Variants in RAP1GAP2 observed in about 807,000 individuals in gnomAD.
RAP1GAP2 encodes rap1 GTPase-activating protein 2.
A neutral mutation model predicts 95.0 loss-of-function variants in RAP1GAP2; 27 were observed. The ratio of observed to expected loss-of-function variants is 0.28; its 90% CI spans 0.21 to 0.39. The LOEUF (loss-of-function observed/expected upper bound fraction) is 0.39. Ranked by LOEUF, RAP1GAP2 falls within the 10% of genes least tolerant of loss-of-function variation. The probability of loss-of-function intolerance (pLI) is 1.00; values close to 1 mark genes in which losing one functional copy is unlikely to be tolerated. For missense variants in RAP1GAP2, 771 were observed against 970.0 expected (o/e 0.79, Z 2.72); for synonymous variants, 373 against 380.9 (o/e 0.98, Z 0.24).
chr17:2,962,979 G>A (rs766238262), intron 5 of RAP1GAP2: 30 of 544,766 alleles, frequency 5.5e-5, no homozygotes, highest in Non-Finnish European at 8.0e-5. Flanking sequence ...CGTTTGGCCC[G>A]GCTCTTCCCT....
intron 2 of RAP1GAP2, among the ~76,000 whole-genome samples, chr17:2,840,449 C>T (rs1417403273): frequency 1.3e-5 from 2 of 152,172 alleles, no homozygotes; most frequent in Non-Finnish European, 2.9e-5. Flanking sequence ...AGGCGTGAGC[C>T]ACAGTGCCCG....
chr17:2,881,576 C>T (rs2073292194), intron 2 of RAP1GAP2, among the ~76,000 whole-genome samples: 1 of 152,136 alleles, frequency 6.6e-6, no homozygotes, highest in Admixed American at 6.5e-5. Flanking sequence ...TTTCTTTCAC[C>T]TGTGATCATT....
rs1365509404 is a variant in RAP1GAP2 at position 2,857,808 on chromosome 17, G to A, written c.81-47476G>A. Among the ~76,000 whole-genome samples, 1 of 152,182 alleles carries A rather than the reference G, an allele frequency of 6.6e-6. No individual in the cohort carries two copies. The highest frequency in any genetic ancestry group is 2.4e-5 in the African/African-American group (1 of 41,464). On this transcript the variant is annotated intron_variant, in intron 2 of 24. Transcript: ENST00000254695. This position sits in a 1 kb window ranked among gnomAD's most constrained non-coding sequence, Gnocchi z 4.0. ...AGGCCGAGGAACACGATCAAAATAT[G>A]TACGTTCTTGGCCGGGCGCGGCAGC...
At chr17:2,783,330 C>T (rs937763879) in intron 1 of RAP1GAP2, among the ~76,000 whole-genome samples, 3 of 152,214 alleles carry the variant, frequency 2.0e-5, no homozygotes, top group African/African-American at 7.2e-5. Flanking sequence ...AGGTAGCCCT[C>T]ATTTATCCTC....
chr17:2,929,130 G>A (rs867383601), intron 3 of RAP1GAP2, among the ~76,000 whole-genome samples: 2 of 152,218 alleles, frequency 1.3e-5, no homozygotes, highest in Admixed American at 6.5e-5. Context: ...CTACTTGGGA[G>A]GCTGAGGCGG....
At chr17:2,826,730 G>A (rs1477303117) in intron 2 of RAP1GAP2, among the ~76,000 whole-genome samples, 1 of 152,072 alleles carries the variant, frequency 6.6e-6, no homozygotes, top group South Asian at 2.1e-4. Context: ...ATTTCCGGCC[G>A]GGCGCGGTGG....
chr17:2,940,899 G>C (rs1268849489), intron 3 of RAP1GAP2, among the ~76,000 whole-genome samples: 1 of 152,148 alleles, frequency 6.6e-6, no homozygotes. Flanking sequence ...ACGAGTGTGA[G>C]GAGTGACAGG....
intron 8 of RAP1GAP2, among the ~76,000 whole-genome samples, chr17:2,969,283 G>A (rs2044752260): frequency 6.6e-6 from 1 of 151,312 alleles, no homozygotes; most frequent in Non-Finnish European, 1.5e-5. Flanking sequence ...CAAATTGATT[G>A]CATAGTAGAT....
intron 2 of RAP1GAP2, among the ~76,000 whole-genome samples, chr17:2,803,794 G>A (rs756142697): frequency 3.3e-5 from 5 of 152,154 alleles, no homozygotes; most frequent in Non-Finnish European, 5.9e-5. Context: ...CAGGAGAGTC[G>A]CTTGAACCCA....
chr17:2,924,249 A>G (rs752885857), intron 3 of RAP1GAP2, among the ~76,000 whole-genome samples: 4 of 152,152 alleles, frequency 2.6e-5, no homozygotes, highest in Non-Finnish European at 5.9e-5. Flanking sequence ...TGTTCTCAGA[A>G]GAGCAGGCTG....
At chr17:3,020,456 T>C in intron 18 of RAP1GAP2, 21 bp from the exon 19 acceptor site, 1 of 1,604,334 alleles carries the variant, frequency 6.2e-7, no homozygotes, top group East Asian at 2.2e-5. Flanking sequence ...GGAGCACTCA[T>C]TTTGGCAATT....
rs2047354235 is a variant in RAP1GAP2 at position 3,032,448 on chromosome 17, A to G, written c.*29A>G. 6 of 1,613,472 alleles carry G rather than the reference A, an allele frequency of 3.7e-6. No homozygotes were observed. The highest frequency in any genetic ancestry group is 4.5e-5 in the East Asian group (2 of 44,880). ...GAAAGTGGAGTCCTTCGCCTGTCCA[A>G]GGTGGGTTGAGTGAATGTCCTGCTG... On this transcript the variant is annotated splice_region_variant and 3_prime_UTR_variant, in exon 24 of 25. Coordinates refer to ENST00000254695, the MANE Select transcript of RAP1GAP2 (RefSeq NM_015085.5).
upstream of RAP1GAP2, among the ~76,000 whole-genome samples, chr17:2,774,095 T>C (rs2068448238): frequency 6.6e-6 from 1 of 152,042 alleles, no homozygotes; most frequent in Non-Finnish European, 1.5e-5. Flanking sequence ...AAAGGATAAA[T>C]GTATTTTGGT....
chr17:2,832,949 G>C (rs2070956721), intron 2 of RAP1GAP2, among the ~76,000 whole-genome samples: 1 of 151,930 alleles, frequency 6.6e-6, no homozygotes, highest in Non-Finnish European at 1.5e-5. Flanking sequence ...CTGCACTCCA[G>C]CCCGGGTCAC....
rs111900035 is a variant in RAP1GAP2 at position 2,981,655 on chromosome 17, G to T, written c.729+407G>T. ...GCAGACACCAAGAAGAGAAAGGCCA[G>T]ACAGCCGCCCCGCCATTGCCTGTGT... On this transcript the variant is annotated intron_variant, in intron 10 of 24. Transcript: ENST00000254695. 2.6e-3 allele frequency among the ~76,000 whole-genome samples: 402 copies of T among 152,256 alleles called. 2 individuals carry two copies. Among genetic ancestry groups the T allele is most frequent in the African/African-American group, 9.2e-3 (381 of 41,540 alleles).
intron 2 of RAP1GAP2, among the ~76,000 whole-genome samples, chr17:2,822,925 C>A (rs1288102486): frequency 6.6e-6 from 1 of 152,034 alleles, no homozygotes; most frequent in Non-Finnish European, 1.5e-5. Flanking sequence ...CCAGCCTGAC[C>A]AACATGGTGA....
chr17:2,776,848 G>A (rs1597285685), upstream of RAP1GAP2, among the ~76,000 whole-genome samples: 1 of 144,000 alleles, frequency 6.9e-6, no homozygotes, highest in East Asian at 2.3e-4. Context: ...AGGAGGAGGA[G>A]GAGGAGGAGG....
chr17:2,874,047 A>G (rs1338954291), intron 2 of RAP1GAP2, among the ~76,000 whole-genome samples: 1 of 152,116 alleles, frequency 6.6e-6, no homozygotes, highest in Non-Finnish European at 1.5e-5. Flanking sequence ...AAGTGCTGGG[A>G]TTACAGGCAT....
intron 1 of RAP1GAP2, among the ~76,000 whole-genome samples, chr17:2,765,329 A>G (rs558092685): frequency 1.5e-4 from 23 of 152,204 alleles, no homozygotes; most frequent in Non-Finnish European, 2.8e-4. Flanking sequence ...AAGTCGCCCC[A>G]TCTTACCTGA....
Sources: gnomAD v4.1 joint callset for allele counts (sites outside exome capture counted in the v4.1 genomes callset) on GRCh38, gnomAD v4.1.1 for gene constraint, Gnocchi (gnomAD v3.1) non-coding constraint, MANE v1.5 for transcripts, NCBI Gene and HGNC (gene_info 2026-07-23, HGNC 2026-07-21) for gene names.